PLEKHG4B: variants seen among roughly 807,000 people sequenced by gnomAD.
PLEKHG4B encodes the protein pleckstrin homology domain-containing family G member 4B.
Under a neutral mutation model 121.3 loss-of-function variants are expected in PLEKHG4B, and 111 were observed. The observed-to-expected ratio is 0.92, with a 90% CI of 0.78 to 1.07. The LOEUF is 1.07. Ranked by LOEUF, PLEKHG4B falls within the 50% of genes least tolerant of loss-of-function variation. The pLI is 0.00. For synonymous variants in PLEKHG4B, 738 were observed against 725.0 expected (o/e 1.02, Z -0.29); for missense variants, 1,831 against 1,757.8 (o/e 1.04, Z -0.74).
At chr5:151,738 C>T (rs188145504) in intron 7 of PLEKHG4B, 139 bp downstream of exon 7, 12 of 547,120 alleles carry the variant, frequency 2.2e-5, no homozygotes, top group East Asian at 1.6e-4. Flanking sequence ...CTTCCTACCC[C>T]GTAAGTTCTT....
At chr5:148,222 C>A (rs1735488141) in intron 6 of PLEKHG4B, among the ~76,000 whole-genome samples, 1 of 146,764 alleles carries the variant, frequency 6.8e-6, no homozygotes, top group Non-Finnish European at 1.5e-5. Context: ...CTAGCTAGAG[C>A]AATTGGACAA....
chr5:151,268 T>C (rs1002434062), intron 6 of PLEKHG4B, among the ~76,000 whole-genome samples: 91 of 152,184 alleles, frequency 6.0e-4, no homozygotes, highest in African/African-American at 2.0e-3. Flanking sequence ...TCAAAACTTA[T>C]AGAACTATTC....
chr5:98,383 A>G (rs988643655), intron 1 of PLEKHG4B, among the ~76,000 whole-genome samples: 2 of 135,474 alleles, frequency 1.5e-5, no homozygotes, highest in Non-Finnish European at 3.1e-5. Context: ...TATACCCTCA[A>G]TGTCAATTCT....
intron 2 of PLEKHG4B, among the ~76,000 whole-genome samples, chr5:120,015 T>A (rs10041828): frequency 0.19 from 28,633 of 152,002 alleles, 3,755 homozygotes; most frequent in African/African-American, 0.37. Context: ...TGCAAGGCTG[T>A]GGGGGAGAAT....
intron 19 of PLEKHG4B, 126 bp from the exon 20 acceptor site, chr5:181,878 G>T: frequency 7.6e-7 from 1 of 1,308,598 alleles, no homozygotes; most frequent in South Asian, 1.4e-5. Context: ...GACATGGTGG[G>T]TTGGATGGGC....
intron 5 of PLEKHG4B, among the ~76,000 whole-genome samples, chr5:143,935 C>T (rs1002338131): frequency 2.7e-5 from 4 of 149,090 alleles, no homozygotes; most frequent in African/African-American, 1.0e-4. Context: ...TCTCAAAGAA[C>T]AAACACACAC....
chr5:169,177 A>T, intron 13 of PLEKHG4B, 163 bp from the exon 14 acceptor site: 2 of 938,172 alleles, frequency 2.1e-6, no homozygotes, highest in Non-Finnish European at 3.1e-6. Context: ...CCTGGCCGGA[A>T]GCTTTTTTAT....
Position 164,976 on chromosome 5 carries a change from GA to G in PLEKHG4B, c.3476+1429del, listed in dbSNP as rs1335431596. The stretch of plus-strand genomic sequence containing the variant: ...TACACACTAATGCTCTGACGGGGCG[GA>G]GCTCACACTAATGCTCTGACGGGGC... On this transcript the variant is annotated intron_variant, in intron 13 of 19. Transcript: ENST00000637938. Among the ~76,000 whole-genome samples the G allele has an allele frequency of 1.7e-4, 11 of 63,508 alleles. 3 individuals are homozygous for G. The highest frequency in any genetic ancestry group is 5.7e-4 in the East Asian group (2 of 3,532). 41.7% of individuals were successfully genotyped at this position (63,508 alleles called of 152,430 possible).
At chr5:114,793 T>C (rs1255828585) in intron 2 of PLEKHG4B, among the ~76,000 whole-genome samples, 1 of 152,344 alleles carries the variant, frequency 6.6e-6, no homozygotes, top group African/African-American at 2.4e-5. Flanking sequence ...AGATTTATCC[T>C]GAGATTGCAG....
intron 9 of PLEKHG4B, among the ~76,000 whole-genome samples, chr5:155,733 A>G (rs886374623): frequency 4.6e-5 from 7 of 152,202 alleles, no homozygotes; most frequent in Admixed American, 6.5e-5. Flanking sequence ...AACAAGACAC[A>G]GAGGCGAACT....
Position 157,240 on chromosome 5 carries a change from G to A in PLEKHG4B, c.2487+329G>A, listed in dbSNP as rs965037423. 1.4e-5 allele frequency: 5 copies of A among 358,246 alleles called. No homozygotes were observed. Among genetic ancestry groups the A allele is most frequent in the African/African-American group, 6.4e-5 (3 of 47,168 alleles). The allele number at this position is 358,246 out of a possible 1,614,324, so 22.2% of individuals were successfully genotyped here. A position where few individuals can be genotyped will look rare whatever the true frequency, so the allele number is the denominator to read the frequency against. On this transcript the variant is annotated intron_variant, in intron 11 of 19. Transcript: ENST00000637938. The surrounding 1 kb of genome is among the most constrained non-coding windows in gnomAD (Gnocchi z 4.6). ...CCGGACGCTTTCTCCATGTGCATGCGTACACAGTGACTGAGAAGCCGAGGT... is the reference window on the plus strand; with the variant it reads ...CCGGACGCTTTCTCCATGTGCATGCATACACAGTGACTGAGAAGCCGAGGT...
Position 161,572 on chromosome 5 carries a change from C to G in PLEKHG4B, c.2488-211C>G, listed in dbSNP as rs115947852. Among the ~76,000 whole-genome samples the G allele has an allele frequency of 4.8e-3, 728 of 152,232 alleles. 5 individuals carry two copies. Among genetic ancestry groups the G allele is most frequent in the African/African-American group, 0.016 (677 of 41,526 alleles). ...GCATGTTTAAATATAAAATGTTCTT[C>G]CCCTGTGTAGATCAAATCATAGTTT... On this transcript the variant is annotated intron_variant, in intron 11 of 19. Transcript: ENST00000637938.
chr5:121,196 G>A (rs1351713886), intron 2 of PLEKHG4B, among the ~76,000 whole-genome samples: 4 of 151,632 alleles, frequency 2.6e-5, no homozygotes, highest in Non-Finnish European at 5.9e-5. Context: ...GCAGTGAGCC[G>A]AGATCGTGCC....
At chr5:129,883 A>G (rs900361496) in intron 2 of PLEKHG4B, among the ~76,000 whole-genome samples, 2 of 152,168 alleles carry the variant, frequency 1.3e-5, no homozygotes, top group African/African-American at 4.8e-5. Context: ...TGGAGGCATC[A>G]AAGGAATGTA....
chr5:110,869 A>G (rs149865066), intron 1 of PLEKHG4B, among the ~76,000 whole-genome samples: 1 of 152,394 alleles, frequency 6.6e-6, no homozygotes, highest in East Asian at 1.9e-4. Flanking sequence ...ACGTTTGTAC[A>G]TTTGGCAGAA....
intron 2 of PLEKHG4B, among the ~76,000 whole-genome samples, chr5:135,080 T>TC (rs1734913970): frequency 6.9e-6 from 1 of 144,502 alleles, no homozygotes; most frequent in Non-Finnish European, 1.5e-5. Context: ...TCCCAGCTAC[T>TC]GGGAGGCTGA....
chr5:97,091 C>T (rs1733650161), intron 1 of PLEKHG4B, among the ~76,000 whole-genome samples: 1 of 152,058 alleles, frequency 6.6e-6, no homozygotes. Flanking sequence ...AGATGATTTT[C>T]CTCATTCCAA....
intron 17 of PLEKHG4B, among the ~76,000 whole-genome samples, 181 bp from the exon 18 acceptor site, chr5:173,737 G>A (rs778723021): frequency 6.6e-6 from 1 of 152,018 alleles, no homozygotes; most frequent in African/African-American, 2.4e-5. Context: ...ACTCTCCCTG[G>A]CACGGTCACA....
At position 156,080 on chromosome 5, in the gene PLEKHG4B, G is replaced by T. The variant is rs138938524; in HGVS notation, c.2218G>T (p.Glu740Ter). The T allele has an allele frequency of 1.3e-6, 2 of 1,583,642 alleles. No homozygotes were observed. Among genetic ancestry groups the T allele is most frequent in the Non-Finnish European group, 1.7e-6 (2 of 1,162,952 alleles). ...TCCCCATCCCGTGCAGGAAGTCGCC[G>T]AGTTAATTGACCAGCATGAGACGAT... ...RTPRTAQEVA[E>*]LIDQHETMMK... is the part of the protein sequence containing the mutation. The change falls in exon 10 of 20, where the codon GAG (glutamate) becomes TAG (stop). Residue 740 changes from glutamate to a stop codon, truncating the protein, a stop_gained. Transcript: ENST00000637938. LOFTEE classifies it high-confidence loss of function. This position sits in a 1 kb window ranked among gnomAD's most constrained non-coding sequence, Gnocchi z 4.4.
Sources: gnomAD v4.1 joint callset for allele counts (sites outside exome capture counted in the v4.1 genomes callset) on GRCh38, gnomAD v4.1.1 for gene constraint, Gnocchi (gnomAD v3.1) non-coding constraint, MANE v1.5 for transcripts, NCBI Gene and HGNC (gene_info 2026-07-23, HGNC 2026-07-21) for gene names.